ZNF688: variants seen among roughly 807,000 people sequenced by gnomAD.
The protein encoded by ZNF688 is zinc finger protein 688.
Under a neutral mutation model 13.2 loss-of-function variants are expected in ZNF688, and 10 were observed. The observed-to-expected ratio is 0.76, with a 90% CI of 0.47 to 1.28. The LOEUF (loss-of-function observed/expected upper bound fraction) is 1.28, where lower values mean the gene tolerates loss of function less well. Among genes scored for constraint, ZNF688 ranks in the 50% most tolerant of loss-of-function variants. The probability of loss-of-function intolerance (pLI) is 0.00; values close to 1 mark genes in which losing one functional copy is unlikely to be tolerated. For synonymous variants in ZNF688, 160 were observed against 159.4 expected (o/e 1.00, Z -0.03); for missense variants, 381 against 391.4 (o/e 0.97, Z 0.22).
At chr16:30,574,318 G>A (rs1039100185), upstream of ZNF688, among the ~76,000 whole-genome samples, 1 of 152,122 alleles carries the variant, frequency 6.6e-6, no homozygotes, top group African/African-American at 2.4e-5. Flanking sequence ...GGCCAAGGCG[G>A]GAGGATCACC....
At chr16:30,571,220 T>C in intron 1 of ZNF688, 97 bp from the exon 2 acceptor site, 1 of 1,530,174 alleles carries the variant, frequency 6.5e-7, no homozygotes, top group Non-Finnish European at 8.8e-7. Context: ...GAGCTTATAC[T>C]CAACCTGGAA....
chr16:30,575,555 G>C (rs781279560), upstream of ZNF688, among the ~76,000 whole-genome samples: 2 of 151,630 alleles, frequency 1.3e-5, no homozygotes, highest in Non-Finnish European at 2.9e-5. Flanking sequence ...CCACATGGTA[G>C]TTCTGTTTTT....
At chr16:30,572,102 G>A (rs758654211), upstream of ZNF688, 11 of 1,547,262 alleles carry the variant, frequency 7.1e-6, 1 homozygote, top group South Asian at 1.2e-4. Context: ...AAAGATGTAA[G>A]GGCCCGAAGC....
upstream of ZNF688, among the ~76,000 whole-genome samples, chr16:30,576,900 T>C (rs2051752645): frequency 6.6e-6 from 1 of 151,520 alleles, no homozygotes; most frequent in Admixed American, 6.6e-5. Flanking sequence ...CTTCAAGTCG[T>C]TGGAACTAGA....
chr16:30,573,127 G>A (rs1204407503), upstream of ZNF688, among the ~76,000 whole-genome samples: 2 of 151,792 alleles, frequency 1.3e-5, no homozygotes, highest in Non-Finnish European at 2.9e-5. Context: ...GGCTGGTCTC[G>A]AACTCCCGAC....
At chr16:30,572,161 A>G (rs1202923029), upstream of ZNF688, 1 of 1,605,514 alleles carries the variant, frequency 6.2e-7, no homozygotes, top group Non-Finnish European at 8.5e-7. Context: ...ATGATTGGCG[A>G]CGATCCCGGA....
At chr16:30,571,408 A>AGG in intron 1 of ZNF688, 26 bp downstream of exon 1, 1 of 1,549,546 alleles carries the variant, frequency 6.5e-7, no homozygotes. Flanking sequence ...GTGAAGGAGG[A>AGG]GGGGGCTCGG....
chr16:30,572,136 A>C (rs1408461629), upstream of ZNF688: 6 of 1,600,684 alleles, frequency 3.7e-6, no homozygotes, highest in Non-Finnish European at 5.1e-6. Context: ...CTGTACCCGC[A>C]ATACGCAACG....
upstream of ZNF688, among the ~76,000 whole-genome samples, chr16:30,574,677 A>G (rs1433697034): frequency 6.6e-6 from 1 of 152,204 alleles, no homozygotes; most frequent in Non-Finnish European, 1.5e-5. Context: ...TATTTAAGGT[A>G]TCAATCACTT....
intron 1 of ZNF688, 114 bp downstream of exon 1, chr16:30,571,319 TG>T: frequency 6.5e-7 from 1 of 1,536,458 alleles, no homozygotes; most frequent in Non-Finnish European, 8.7e-7. Flanking sequence ...GGGAGGTGGC[TG>T]CTGGTGTTGG....
In ZNF688 at chr16:30,570,134, G is replaced by A. The variant is rs1243476530; in HGVS notation, c.613C>T (p.His205Tyr). The change falls in exon 3 of 3, where the codon CAC becomes TAC. Residue 205 changes from histidine to tyrosine, a missense_variant. By Grantham distance (83) the His-to-Tyr change is moderately conservative (BLOSUM62 2). Coordinates refer to ENST00000223459, the MANE Select transcript of ZNF688 (RefSeq NM_145271.4). ...PSLLVSHRRM[H>Y]SGERPFPCPE... is the part of the protein sequence containing the mutation. ...CAGGGGAAAGGCCGCTCCCCCGAGTGCATGCGCCTGTGGCTGACCAGCAGT... is the reference window on the plus strand; with the variant it reads ...CAGGGGAAAGGCCGCTCCCCCGAGTACATGCGCCTGTGGCTGACCAGCAGT... The A allele has an allele frequency of 6.2e-7, 1 of 1,611,362 alleles. No individual in the cohort carries two copies. Among genetic ancestry groups the A allele is most frequent in the Non-Finnish European group, 8.5e-7 (1 of 1,178,746 alleles).
Position 30,570,125 on chromosome 16 carries a change from C to G in ZNF688, c.622G>C (p.Glu208Gln), listed in dbSNP as rs1460661836. The change falls in exon 3 of 3, where the codon GAG becomes CAG. Residue 208 changes from glutamate to glutamine, a missense_variant. Physicochemically the swap from Glu to Gln is conservative, Grantham distance 29. Transcript: ENST00000223459. ...CACTCGGGGCAGGGGAAAGGCCGCT[C>G]CCCCGAGTGCATGCGCCTGTGGCTG... Reference protein sequence around the residue: ...LVSHRRMHSGERPFPCPECGM... With the variant: ...LVSHRRMHSGQRPFPCPECGM... 3 of 1,611,208 alleles carry G rather than the reference C, an allele frequency of 1.9e-6. No homozygotes were observed. Among genetic ancestry groups the G allele is most frequent in the East Asian group, 4.5e-5 (2 of 44,846 alleles).
Position 30,570,032 on chromosome 16 carries a change from C to A in ZNF688, c.715G>T (p.Gly239Trp). The A allele has an allele frequency of 6.2e-7, 1 of 1,611,118 alleles. No homozygotes were observed. The highest frequency in any genetic ancestry group is 8.5e-7 in the Non-Finnish European group (1 of 1,179,354). The change falls in exon 3 of 3, where the codon GGG (glycine) becomes TGG (tryptophan). Residue 239 changes from glycine (G) to tryptophan (W), a missense_variant. Coordinates refer to ENST00000223459, the MANE Select transcript of ZNF688 (RefSeq NM_145271.4). ...HQWIHRSCSG[G>W]RRGRRPGIRA... Reference sequence around the variant, plus strand: ...ATCCCAGGCCTCCGGCCCCGCCGCCCCCCGGAGCAGGAGCGGTGGATCCAC... The same window carrying A: ...ATCCCAGGCCTCCGGCCCCGCCGCCACCCGGAGCAGGAGCGGTGGATCCAC...
upstream of ZNF688, among the ~76,000 whole-genome samples, chr16:30,575,566 G>GT (rs2051737776): frequency 1.3e-5 from 2 of 151,356 alleles, no homozygotes; most frequent in African/African-American, 4.9e-5. Flanking sequence ...TTCTGTTTTT[G>GT]TTTTTTTCAG....
Position 30,570,170 on chromosome 16 carries a change from T to G in ZNF688, c.577A>C (p.Thr193Pro). 1 of 1,611,046 alleles carries G rather than the reference T, an allele frequency of 6.2e-7. No homozygotes were observed. The highest frequency in any genetic ancestry group is 2.2e-5 in the East Asian group (1 of 44,834). The change falls in exon 3 of 3, where the codon ACC (threonine) becomes CCC (proline). Residue 193 changes from threonine to proline, a missense_variant. Coordinates refer to ENST00000223459, the MANE Select transcript of ZNF688 (RefSeq NM_145271.4). The part of the protein sequence containing the change: ...HVCTDCGRRF[T>P]YPSLLVSHRR... Reference sequence around the variant, plus strand: ...TGGCTGACCAGCAGTGAGGGGTAGGTGAAGCGGCGGCCGCAGTCCGTGCAC... The same window carrying G: ...TGGCTGACCAGCAGTGAGGGGTAGGGGAAGCGGCGGCCGCAGTCCGTGCAC...
Position 30,571,574 on chromosome 16 carries a change from C to T in ZNF688, c.56G>A (p.Gly19Asp). ...GCTCACAGTCCCGGGCTTCCTGCAA[C>T]CAGGCCGGGTCTCCCCGGGCCTCGG... ...LAPRPGETRP[G>D]CRKPGTVSFA... The change falls in exon 1 of 3, where the codon GGT (glycine) becomes GAT (aspartate). Residue 19 changes from glycine (G) to aspartate (D), a missense_variant. Gly to Asp is a moderately conservative substitution (Grantham distance 94). Transcript: ENST00000223459. 6.4e-7 allele frequency: 1 copy of T among 1,564,850 alleles called. No individual in the cohort carries two copies. The highest frequency in any genetic ancestry group is 2.4e-5 in the East Asian group (1 of 41,792).
At chr16:30,571,189 C>A in intron 1 of ZNF688, 66 bp from the exon 2 acceptor site, 1 of 1,529,360 alleles carries the variant, frequency 6.5e-7, no homozygotes, top group Non-Finnish European at 8.8e-7. Context: ...CATTCCCCTC[C>A]AGGCTGAGGG....
In ZNF688 at chr16:30,570,068, C is replaced by T. The variant is rs2151229954; in HGVS notation, c.679G>A (p.Glu227Lys). 6.2e-7 allele frequency: 1 copy of T among 1,610,998 alleles called. No individual in the cohort carries two copies. Residue 227 changes from glutamate to lysine, a missense_variant, in exon 3 of 3, where the codon GAA (glutamate) becomes AAA (lysine). By Grantham distance (56) the Glu-to-Lys change is moderately conservative. Transcript: ENST00000223459. ...GMRFKRKFAV[E>K]AHQWIHRSCS... ...GAGCGGTGGATCCACTGGTGCGCTT[C>T]CACTGCGAACTTCCTCTTGAAGCGC...
intron 2 of ZNF688, 189 bp downstream of exon 2, chr16:30,570,816 ACTGGG>A: frequency 1.7e-6 from 1 of 592,666 alleles, no homozygotes; most frequent in Non-Finnish European, 3.0e-6. Context: ...GCCTGGTTGG[ACTGGG>A]CTCCCAGTCC....
Sources: gnomAD v4.1 joint callset for allele counts (sites outside exome capture counted in the v4.1 genomes callset) on GRCh38, gnomAD v4.1.1 for gene constraint, MANE v1.5 for transcripts, NCBI Gene and HGNC (gene_info 2026-07-23, HGNC 2026-07-21) for gene names.